DYNC1I1: variants seen among roughly 807,000 people sequenced by gnomAD.
DYNC1I1 encodes the protein cytoplasmic dynein 1 intermediate chain 1.
Under a neutral mutation model 86.6 loss-of-function variants are expected in DYNC1I1, and 43 were observed. The observed-to-expected ratio is 0.50, with a 90% CI of 0.39 to 0.64. DYNC1I1 has a LOEUF of 0.64. Among genes scored for constraint, DYNC1I1 ranks in the 30% least tolerant of loss-of-function variants. The pLI is 0.00. For missense variants in DYNC1I1, 604 were observed against 788.8 expected (o/e 0.77, Z 2.81); for synonymous variants, 262 against 283.7 (o/e 0.92, Z 0.77).
intron 12 of DYNC1I1, 101 bp from the exon 13 acceptor site, chr7:96,035,518 T>C: frequency 2.1e-6 from 3 of 1,451,608 alleles, no homozygotes; most frequent in Non-Finnish European, 2.7e-6. Context: ...TAACGCTGTG[T>C]GAAAAGCAAA....
intron 1 of DYNC1I1, among the ~76,000 whole-genome samples, chr7:95,787,833 T>G (rs1794189780): frequency 6.6e-6 from 1 of 152,184 alleles, no homozygotes; most frequent in Non-Finnish European, 1.5e-5. Flanking sequence ...GGGGAATAGT[T>G]TGCATTTTAA....
At chr7:95,989,464 C>T (rs1387528742) in intron 9 of DYNC1I1, among the ~76,000 whole-genome samples, 1 of 152,196 alleles carries the variant, frequency 6.6e-6, no homozygotes, top group Non-Finnish European at 1.5e-5. Context: ...TGAGGAAACA[C>T]TTAGCTCAGC....
At chr7:96,046,114 A>C (rs1789207950) in intron 14 of DYNC1I1, among the ~76,000 whole-genome samples, 1 of 152,208 alleles carries the variant, frequency 6.6e-6, no homozygotes, top group African/African-American at 2.4e-5. Flanking sequence ...TTTACCTGGC[A>C]AACAGAGAAC....
chr7:95,932,970 T>A (rs1791940549), intron 6 of DYNC1I1, among the ~76,000 whole-genome samples: 1 of 151,848 alleles, frequency 6.6e-6, no homozygotes, highest in Non-Finnish European at 1.5e-5. Context: ...AGCCTTGAAT[T>A]CCTGGGCTCA....
intron 5 of DYNC1I1, among the ~76,000 whole-genome samples, chr7:95,862,715 A>T (rs1440028050): frequency 2.6e-5 from 4 of 152,222 alleles, no homozygotes; most frequent in African/African-American, 9.6e-5. Context: ...TATGTATTCA[A>T]GATAATTGAA....
In DYNC1I1 at chr7:96,097,570, G is replaced by A. The variant is rs1791053999; in HGVS notation, c.1864G>A (p.Gly622Ser). 2 of 1,613,668 alleles carry A rather than the reference G, an allele frequency of 1.2e-6. No individual in the cohort carries two copies. Among genetic ancestry groups the A allele is most frequent in the Non-Finnish European group, 1.7e-6 (2 of 1,179,764 alleles). ...RANRADSEEE[G>S]TVELSA is the part of the protein sequence containing the mutation. ...TAACAGAGCTGATAGCGAGGAGGAAGGCACTGTTGAGTTATCTGCCTAGTG... is the reference window on the plus strand; with the variant it reads ...TAACAGAGCTGATAGCGAGGAGGAAAGCACTGTTGAGTTATCTGCCTAGTG... The change falls in exon 17 of 17, where the codon GGC becomes AGC. Residue 622 changes from glycine (G) to serine (S), a missense_variant. Physicochemically the swap from Gly to Ser is moderately conservative, Grantham distance 56. Coordinates refer to ENST00000447467, the MANE Select transcript of DYNC1I1 (RefSeq NM_001135556.2).
At chr7:95,962,682 A>C (rs1792902303) in intron 6 of DYNC1I1, among the ~76,000 whole-genome samples, 1 of 152,162 alleles carries the variant, frequency 6.6e-6, no homozygotes, top group East Asian at 1.9e-4. Flanking sequence ...AGCATCCCTC[A>C]TTTACAGGTA....
chr7:95,784,713 C>A (rs1794083475), intron 1 of DYNC1I1, among the ~76,000 whole-genome samples: 1 of 152,164 alleles, frequency 6.6e-6, no homozygotes, highest in Admixed American at 6.5e-5. Context: ...AAAAAATGGG[C>A]TGGGCTGTCT....
rs2299272 is a variant in DYNC1I1, at chr7:95,999,645, C to T, written c.969+3572C>T. On this transcript the variant is annotated intron_variant, in intron 10 of 16. Coordinates refer to ENST00000447467, the MANE Select transcript of DYNC1I1 (RefSeq NM_001135556.2). ...TTCCTGCTAACCTCAAAGAGAGTTC[C>T]GCCTGTGAAGAGTGATGGTAACAGA... Among the ~76,000 whole-genome samples, 1,457 of 152,204 alleles carry T rather than the reference C, an allele frequency of 9.6e-3. 31 individuals carry two copies. Among genetic ancestry groups the T allele is most frequent in the South Asian group, 0.063 (304 of 4,812 alleles).
downstream of DYNC1I1, among the ~76,000 whole-genome samples, chr7:96,099,299 C>T (rs1157588142): frequency 1.3e-5 from 2 of 152,154 alleles, no homozygotes; most frequent in Non-Finnish European, 2.9e-5. Context: ...AGCTGGTCTC[C>T]AAGGCAGTTC....
At chr7:96,053,580 T>G (rs1039235363) in intron 14 of DYNC1I1, among the ~76,000 whole-genome samples, 1 of 151,780 alleles carries the variant, frequency 6.6e-6, no homozygotes, top group African/African-American at 2.4e-5. Context: ...AGTCCTGACT[T>G]CTTGAAAGGG....
chr7:96,035,259 T>C (rs1794902400), intron 12 of DYNC1I1, among the ~76,000 whole-genome samples: 1 of 152,230 alleles, frequency 6.6e-6, no homozygotes, highest in South Asian at 2.1e-4. Context: ...CACAAACAAT[T>C]GATTTTGAAA....
chr7:96,061,952 C>A (rs1305647804), intron 14 of DYNC1I1, among the ~76,000 whole-genome samples: 1 of 152,132 alleles, frequency 6.6e-6, no homozygotes, highest in Admixed American at 6.6e-5. Flanking sequence ...TTTTGGATTT[C>A]ATTTTTGTTT....
chr7:96,003,985 T>C (rs1003142092), intron 10 of DYNC1I1, among the ~76,000 whole-genome samples: 2 of 152,216 alleles, frequency 1.3e-5, no homozygotes, highest in African/African-American at 4.8e-5. Context: ...ATACAGAGAC[T>C]CCTGGAATAA....
chr7:96,031,618 T>C (rs919894107), intron 11 of DYNC1I1, among the ~76,000 whole-genome samples: 5 of 152,200 alleles, frequency 3.3e-5, no homozygotes, highest in African/African-American at 1.2e-4. Flanking sequence ...TGACCAGCAG[T>C]TTATATGATA....
At chr7:96,003,843 A>G (rs907918212) in intron 10 of DYNC1I1, among the ~76,000 whole-genome samples, 2 of 151,990 alleles carry the variant, frequency 1.3e-5, no homozygotes, top group Non-Finnish European at 2.9e-5. Flanking sequence ...ACTCCAGACC[A>G]TCTATTTTTT....
chr7:95,955,615 A>C (rs1238419869), intron 6 of DYNC1I1, among the ~76,000 whole-genome samples: 1 of 152,212 alleles, frequency 6.6e-6, no homozygotes, highest in Non-Finnish European at 1.5e-5. Context: ...CAAGAAATAA[A>C]CTTGCCCTTC....
At chr7:95,902,246 T>G (rs1209907399) in intron 6 of DYNC1I1, among the ~76,000 whole-genome samples, 2 of 152,234 alleles carry the variant, frequency 1.3e-5, no homozygotes, top group African/African-American at 4.8e-5. Flanking sequence ...TTCCTGCTAT[T>G]GAGCAGAACT....
chr7:96,108,966 A>G (rs1791263449), intron 16 of DYNC1I1, among the ~76,000 whole-genome samples: 1 of 151,882 alleles, frequency 6.6e-6, no homozygotes, highest in South Asian at 2.1e-4. Flanking sequence ...TATATCTTTC[A>G]AGGAATCTAT....
Sources: gnomAD v4.1 joint callset for allele counts (sites outside exome capture counted in the v4.1 genomes callset) on GRCh38, gnomAD v4.1.1 for gene constraint, MANE v1.5 for transcripts, NCBI Gene and HGNC (gene_info 2026-07-23, HGNC 2026-07-21) for gene names.